The following CCDC88B variants were observed in gnomAD, a reference collection of about 807,000 sequenced individuals.
CCDC88B encodes coiled-coil and HOOK domain protein 88B.
CCDC88B carries 138 observed loss-of-function variants against 183.7 expected under a neutral mutation model. The observed-to-expected ratio is 0.75, with a 90% CI of 0.65 to 0.87. The LOEUF (loss-of-function observed/expected upper bound fraction) is 0.87. Ranked by LOEUF, CCDC88B falls within the 40% of genes least tolerant of loss-of-function variation. CCDC88B has a pLI of 0.00. For synonymous variants in CCDC88B, 835 were observed against 867.5 expected (o/e 0.96, Z 0.66); for missense variants, 1,822 against 1,965.6 (o/e 0.93, Z 1.38).
At chr11:64,349,498 G>C in intron 15 of CCDC88B, 40 bp downstream of exon 15, 1 of 1,563,684 alleles carries the variant, frequency 6.4e-7, no homozygotes, top group Non-Finnish European at 8.7e-7. Context: ...GGAGGCAGGG[G>C]TGTGGTGGGG....
chr11:64,343,622 G>A lies in CCDC88B; in HGVS notation c.1318+7G>A, dbSNP rs1419739069. ...CCAGGATCCCCTGGGGAGGGTGAGGGACCCCACTGGAAGGGCTGGGGTGGG... is the reference window on the plus strand; with the variant it reads ...CCAGGATCCCCTGGGGAGGGTGAGGAACCCCACTGGAAGGGCTGGGGTGGG... On this transcript the variant is annotated splice_region_variant and intron_variant, in intron 12 of 26. Coordinates refer to ENST00000356786, the MANE Select transcript of CCDC88B (RefSeq NM_032251.6). 1.3e-6 allele frequency: 2 copies of A among 1,550,886 alleles called. No individual in the cohort carries two copies. The highest frequency in any genetic ancestry group is 1.4e-5 in the African/African-American group (1 of 73,008).
At chr11:64,341,057 A>AG (rs764491996) in intron 3 of CCDC88B, 39 bp downstream of exon 3, 1 of 1,613,650 alleles carries the variant, frequency 6.2e-7, no homozygotes, top group South Asian at 1.1e-5. Flanking sequence ...CAGGAGGGGA[A>AG]GAGGAGCCCC....
At position 64,342,504 on chromosome 11, in the gene CCDC88B, C is replaced by G. The variant is rs1187944703; in HGVS notation, c.904-18C>G. ...GGCCCGCGGCTGGCTGTTCCCAGCTCCACACCGTCTGGCCCAGGCCCAGGC... is the reference window on the plus strand; with the variant it reads ...GGCCCGCGGCTGGCTGTTCCCAGCTGCACACCGTCTGGCCCAGGCCCAGGC... On this transcript the variant is annotated intron_variant, in intron 9 of 26. Coordinates refer to ENST00000356786, the MANE Select transcript of CCDC88B (RefSeq NM_032251.6). 4.6e-6 allele frequency: 7 copies of G among 1,528,316 alleles called. No individual in the cohort carries two copies. The highest frequency in any genetic ancestry group is 5.3e-6 in the Non-Finnish European group (6 of 1,141,666). 94.7% of individuals were successfully genotyped at this position (1,528,316 alleles called of 1,614,324 possible). A position where few individuals can be genotyped will look rare whatever the true frequency, so the allele number is the denominator to read the frequency against.
intron 18 of CCDC88B, 145 bp from the exon 19 acceptor site, chr11:64,351,985 G>T: frequency 8.3e-7 from 1 of 1,199,646 alleles, no homozygotes; most frequent in African/African-American, 1.5e-5. Context: ...GGCTTGTACT[G>T]CCTGCTGTGC....
At chr11:64,356,671 C>A (rs1040596254) in intron 26 of CCDC88B, 3 of 331,684 alleles carry the variant, frequency 9.0e-6, no homozygotes, top group African/African-American at 6.3e-5. Context: ...GCAGCTCAGC[C>A]CTAGACCCGG....
rs745502433 is a variant in CCDC88B at position 64,349,348 on chromosome 11, G to A, written c.2634G>A (p.Val878=). 2 of 1,610,860 alleles carry A rather than the reference G, an allele frequency of 1.2e-6. No individual in the cohort carries two copies. Among genetic ancestry groups the A allele is most frequent in the Non-Finnish European group, 1.7e-6 (2 of 1,179,044 alleles). Residue 878 remains valine (V), a synonymous_variant, in exon 15 of 27, where the codon GTG becomes GTA. Transcript: ENST00000356786. ...GCCCTCAGGAGCTGGAGAAAGCTGT[G>A]GTGCGGGGCAAGGAGTTGGGGGACC... ...EALQAELEKA[V]VRGKELGDRL...
At chr11:64,353,553 G>A (rs895600810) in intron 22 of CCDC88B, 57 bp downstream of exon 22, 58 of 1,590,148 alleles carry the variant, frequency 3.6e-5, no homozygotes, top group Non-Finnish European at 4.7e-5. Flanking sequence ...GCGTTCCTGG[G>A]GAGAGCCCTT....
chr11:64,345,183 G>A, intron 14 of CCDC88B, 26 bp downstream of exon 14: 1 of 1,533,340 alleles, frequency 6.5e-7, no homozygotes, highest in South Asian at 1.2e-5. Flanking sequence ...GCTCACCGCT[G>A]GGGTTGGGAA....
rs1289910636 is a variant in CCDC88B at position 64,352,958 on chromosome 11, T to A, written c.3500+71T>A. 2.0e-6 allele frequency: 3 copies of A among 1,506,242 alleles called. No homozygotes were observed. In the African/African-American group the frequency reaches 4.2e-5, roughly 21 times the overall value. The allele number at this position is 1,506,242 out of a possible 1,614,324, so 93.3% of individuals were successfully genotyped here. A position where few individuals can be genotyped will look rare whatever the true frequency, so the allele number is the denominator to read the frequency against. On this transcript the variant is annotated intron_variant, in intron 20 of 26. Transcript: ENST00000356786. Reference sequence around the variant, plus strand: ...CTGAAAGTGGGTTGGGGGTGTGGGGTCCTGTCTGGCCTCCCCTCCCCGGCA... The same window carrying A: ...CTGAAAGTGGGTTGGGGGTGTGGGGACCTGTCTGGCCTCCCCTCCCCGGCA...
Position 64,340,743 on chromosome 11 carries a change from T to G in CCDC88B, c.197T>G (p.Leu66Arg). ...LSDGALLLRV[L>R]GIIAPSSRGG... Reference sequence around the variant, plus strand: ...GATGGGGCCCTGCTCCTCCGGGTGCTGGGCATCATGTAAGGGGCATCGGGC... The same window carrying G: ...GATGGGGCCCTGCTCCTCCGGGTGCGGGGCATCATGTAAGGGGCATCGGGC... Residue 66 changes from leucine (L) to arginine (R), a missense_variant, in exon 2 of 27, where the codon CTG (leucine) becomes CGG (arginine). By Grantham distance (102) the Leu-to-Arg change is moderately radical. Coordinates refer to ENST00000356786, the MANE Select transcript of CCDC88B (RefSeq NM_032251.6). 6.2e-7 allele frequency: 1 copy of G among 1,608,676 alleles called. No homozygotes were observed.
chr11:64,340,774 C>T (rs1272697561), intron 2 of CCDC88B, 22 bp downstream of exon 2: 7 of 1,588,588 alleles, frequency 4.4e-6, no homozygotes, highest in South Asian at 1.1e-5. Flanking sequence ...CGGGCCGGGG[C>T]GGTGGCGGGG....
chr11:64,352,223 G>C lies in CCDC88B; in HGVS notation c.3193G>C (p.Glu1065Gln). The C allele has an allele frequency of 3.1e-6, 5 of 1,610,774 alleles. No individual in the cohort carries two copies. The highest frequency in any genetic ancestry group is 4.2e-6 in the Non-Finnish European group (5 of 1,178,246). Residue 1065 changes from glutamate (E) to glutamine (Q), a missense_variant, in exon 19 of 27, where the codon GAG becomes CAG. Coordinates refer to ENST00000356786, the MANE Select transcript of CCDC88B (RefSeq NM_032251.6). ...EEVRAARQSQEETRGQQQALL... is the reference protein window; with the variant it reads ...EEVRAARQSQQETRGQQQALL... ...GGTGCGGGCGGCACGGCAGTCCCAG[G>C]AGGAGACCCGCGGGCAGCAGCAGGC...
Position 64,352,364 on chromosome 11 carries a change from G to A in CCDC88B, c.3334G>A (p.Ala1112Thr). 1 of 1,540,474 alleles carries A rather than the reference G, an allele frequency of 6.5e-7. No homozygotes were observed. Among genetic ancestry groups the A allele is most frequent in the Middle Eastern group, 2.3e-4 (1 of 4,342 alleles). Residue 1112 changes from alanine (A) to threonine (T), a missense_variant, in exon 19 of 27, where the codon GCC becomes ACC. Physicochemically the swap from Ala to Thr is moderately conservative, Grantham distance 58 (BLOSUM62 0). Transcript: ENST00000356786. ...LKANMRALEL[A>T]HRELQGRHEQ... ...GGCCAACATGCGGGCACTGGAGCTGGCCCACCGGGAGCTGCAGGGCCGGTG... is the reference window on the plus strand; with the variant it reads ...GGCCAACATGCGGGCACTGGAGCTGACCCACCGGGAGCTGCAGGGCCGGTG...
rs370211568 is a variant in CCDC88B at position 64,340,589 on chromosome 11, C to G, written c.61-18C>G. The G allele has an allele frequency of 6.9e-6, 11 of 1,603,544 alleles. No homozygotes were observed. The highest frequency in any genetic ancestry group is 9.3e-6 in the Non-Finnish European group (11 of 1,177,584). On this transcript the variant is annotated intron_variant, in intron 1 of 26. Transcript: ENST00000356786. ...GGTTCACTCTGCTGGTCGGCTGACC[C>G]CTCTGGGCTCCTCACAGGCGCTGGG...
intron 11 of CCDC88B, 48 bp downstream of exon 11, chr11:64,343,373 A>G: frequency 1.3e-6 from 2 of 1,543,318 alleles, no homozygotes; most frequent in Admixed American, 3.9e-5. Flanking sequence ...TCACCCCATG[A>G]CCCCATTGAT....
Position 64,341,179 on chromosome 11 carries a change from G to A in CCDC88B, c.388+1G>A. ...ACATTGGGATTTGACCCTCTCTCAG[G>A]TGCTCTCCCCACCCACACCCTCCTG... On this transcript the variant is annotated splice_donor_variant, in intron 4 of 26. Coordinates refer to ENST00000356786, the MANE Select transcript of CCDC88B (RefSeq NM_032251.6). LOFTEE classifies it high-confidence loss of function. The A allele has an allele frequency of 6.2e-7, 1 of 1,614,014 alleles. No homozygotes were observed. The highest frequency in any genetic ancestry group is 1.3e-5 in the African/African-American group (1 of 74,980).
chr11:64,354,064 C>T lies in CCDC88B; in HGVS notation c.3993C>T (p.Gly1331=). ...KRLMRPRREG[G]PPGGLRLGAD... is the part of the protein sequence containing the mutation. ...TGATGCGGCCCCGGCGGGAGGGGGGCCCCCCTGGGGGGCTGCGCCTGGGGG... is the reference window on the plus strand; with the variant it reads ...TGATGCGGCCCCGGCGGGAGGGGGGTCCCCCTGGGGGGCTGCGCCTGGGGG... The change falls in exon 24 of 27, where the codon GGC becomes GGT. Residue 1331 remains glycine (G), a synonymous_variant. Transcript: ENST00000356786. 6.9e-7 allele frequency: 1 copy of T among 1,441,572 alleles called. No individual in the cohort carries two copies. Among genetic ancestry groups the T allele is most frequent in the East Asian group, 2.4e-5 (1 of 41,556 alleles). 89.3% of individuals were successfully genotyped at this position (1,441,572 alleles called of 1,614,324 possible). A position where few individuals can be genotyped will look rare whatever the true frequency, so the allele number is the denominator to read the frequency against.
intron 2 of CCDC88B, 61 bp downstream of exon 2, chr11:64,340,813 G>T: frequency 6.4e-7 from 1 of 1,554,242 alleles, no homozygotes; most frequent in Non-Finnish European, 8.7e-7. Flanking sequence ...GAAGCGGGTG[G>T]GCGGAGCCTG....
intron 16 of CCDC88B, 70 bp downstream of exon 16, chr11:64,349,738 G>T (rs780249907): frequency 7.2e-7 from 1 of 1,387,876 alleles, no homozygotes; most frequent in South Asian, 1.2e-5. Context: ...AGATGCCAGG[G>T]TCATCTGTCC....
Sources: allele counts gnomAD v4.1 joint callset, GRCh38; gene constraint gnomAD v4.1.1; transcripts MANE v1.5; gene names NCBI Gene and HGNC (gene_info 2026-07-23, HGNC 2026-07-21).